Variants in KCNB2 observed in about 807,000 individuals in gnomAD.
The protein encoded by KCNB2 is potassium voltage-gated channel subfamily B member 2.
A neutral mutation model predicts 61.5 loss-of-function variants in KCNB2; 15 were observed. That is an observed-to-expected ratio of 0.24 (90% CI 0.16 to 0.38). KCNB2 has a LOEUF of 0.38. Among genes scored for constraint, KCNB2 ranks in the 10% least tolerant of loss-of-function variants. KCNB2 has a pLI of 1.00. For synonymous variants in KCNB2, 457 were observed against 446.0 expected (o/e 1.02, Z -0.31); for missense variants, 828 against 1,125.2 (o/e 0.74, Z 3.78).
chr8:72,764,878 T>C (rs759279351), intron 2 of KCNB2, among the ~76,000 whole-genome samples: 13 of 152,112 alleles, frequency 8.5e-5, no homozygotes, highest in Non-Finnish European at 1.9e-4. Context: ...CTGGGCAAAA[T>C]ATATCTGCCA....
chr8:72,800,278 A>G (rs1809103091), intron 2 of KCNB2, among the ~76,000 whole-genome samples: 2 of 152,320 alleles, frequency 1.3e-5, no homozygotes, highest in South Asian at 2.1e-4. Flanking sequence ...GTCATTGAAT[A>G]TAACTATCCT....
At position 72,779,008 on chromosome 8, in the gene KCNB2, A is replaced by G. The variant is rs533503720; in HGVS notation, c.580-156927A>G. ...AAGCCAGGTCGCACCTAGGCAGCCA[A>G]TTGGAAGTTGTTGGATTGCTGAGCT... is the stretch of plus-strand genomic sequence containing the variant. On this transcript the variant is annotated intron_variant, in intron 2 of 2. Coordinates refer to ENST00000523207, the MANE Select transcript of KCNB2 (RefSeq NM_004770.3). Among the ~76,000 whole-genome samples, 7 of 152,118 alleles carry G rather than the reference A, an allele frequency of 4.6e-5. No individual in the cohort carries two copies. In the South Asian group the frequency reaches 1.2e-3, roughly 27 times the overall value.
chr8:72,658,502 C>G (rs150309009), intron 2 of KCNB2, among the ~76,000 whole-genome samples: 1 of 152,282 alleles, frequency 6.6e-6, no homozygotes, highest in Non-Finnish European at 1.5e-5. Flanking sequence ...AGGGCTGATA[C>G]AGAAGCTGCA....
intron 2 of KCNB2, among the ~76,000 whole-genome samples, chr8:72,910,963 G>A (rs879788737): frequency 6.6e-6 from 1 of 152,066 alleles, no homozygotes; most frequent in Non-Finnish European, 1.5e-5. Context: ...TGAAGGAAAG[G>A]GAAAATAATA....
chr8:72,584,212 T>G (rs537734100), intron 2 of KCNB2, among the ~76,000 whole-genome samples: 1 of 151,964 alleles, frequency 6.6e-6, no homozygotes, highest in Non-Finnish European at 1.5e-5. Flanking sequence ...TTAAAGAGGA[T>G]TTTTTAAAAA....
intron 2 of KCNB2, chr8:72,731,994 G>C (rs765843440): frequency 2.0e-5 from 3 of 152,176 alleles, no homozygotes; most frequent in Non-Finnish European, 4.4e-5. Flanking sequence ...TTGTAGAATA[G>C]AAAAGGTTTC....
intron 2 of KCNB2, among the ~76,000 whole-genome samples, chr8:72,621,565 G>T (rs896412207): frequency 1.3e-5 from 2 of 151,886 alleles, no homozygotes; most frequent in African/African-American, 2.4e-5. Context: ...ATGTTCGTGG[G>T]TACATAGTAG....
intron 2 of KCNB2, among the ~76,000 whole-genome samples, chr8:72,800,884 C>A (rs1416277164): frequency 6.6e-6 from 1 of 152,090 alleles, no homozygotes; most frequent in African/African-American, 2.4e-5. Flanking sequence ...AGAAGAATAC[C>A]AACTAAGTTA....
At chr8:72,789,889 G>A (rs537334376) in intron 2 of KCNB2, among the ~76,000 whole-genome samples, 6 of 151,952 alleles carry the variant, frequency 3.9e-5, no homozygotes, top group African/African-American at 1.2e-4. Context: ...CTGGGGAGGA[G>A]AATGTTGAAA....
intron 2 of KCNB2, among the ~76,000 whole-genome samples, chr8:72,735,095 C>T (rs1807818397): frequency 6.6e-6 from 1 of 152,096 alleles, no homozygotes; most frequent in South Asian, 2.1e-4. Flanking sequence ...TGAGCATCAC[C>T]ATGATTCATA....
chr8:72,561,740 T>C (rs1259335722), intron 1 of KCNB2, among the ~76,000 whole-genome samples: 10 of 27,450 alleles, frequency 3.6e-4, no homozygotes, highest in African/African-American at 1.8e-3. Context: ...TATATCTATA[T>C]ATATATGTAT....
chr8:72,604,762 G>A (rs1402784372), intron 2 of KCNB2, among the ~76,000 whole-genome samples: 1 of 152,126 alleles, frequency 6.6e-6, no homozygotes, highest in African/African-American at 2.4e-5. Flanking sequence ...TAAATTTTGT[G>A]TCCTTTCACT....
At chr8:72,632,379 T>C (rs1196270644) in intron 2 of KCNB2, among the ~76,000 whole-genome samples, 1 of 152,194 alleles carries the variant, frequency 6.6e-6, no homozygotes, top group Non-Finnish European at 1.5e-5. Context: ...ACTCACTCAT[T>C]TGCATATTTT....
chr8:72,908,312 C>T (rs1250464958), intron 2 of KCNB2, among the ~76,000 whole-genome samples: 1 of 152,156 alleles, frequency 6.6e-6, no homozygotes, highest in Non-Finnish European at 1.5e-5. Flanking sequence ...TTGCATAGAA[C>T]CTCAGTGTTT....
chr8:72,788,334 G>T (rs116749361), intron 2 of KCNB2, among the ~76,000 whole-genome samples: 2,588 of 152,128 alleles, frequency 0.017, 70 homozygotes, highest in African/African-American at 0.058. Context: ...TCCTCAGTTT[G>T]CAGATGATGT....
intron 2 of KCNB2, among the ~76,000 whole-genome samples, chr8:72,585,795 G>A (rs978032079): frequency 3.3e-5 from 5 of 152,196 alleles, no homozygotes. Context: ...GTTTTTCTGA[G>A]CAGATTTGGA....
At chr8:72,888,140 TC>T (rs1805836549) in intron 2 of KCNB2, among the ~76,000 whole-genome samples, 1 of 152,142 alleles carries the variant, frequency 6.6e-6, no homozygotes, top group Non-Finnish European at 1.5e-5. Flanking sequence ...TCTCACTCTG[TC>T]CCCCAGGCTG....
intron 2 of KCNB2, among the ~76,000 whole-genome samples, chr8:72,637,913 A>T (rs1805991876): frequency 6.6e-6 from 1 of 152,112 alleles, no homozygotes; most frequent in South Asian, 2.1e-4. Context: ...GTGAAATAAG[A>T]AGTAAGTTAA....
intron 2 of KCNB2, among the ~76,000 whole-genome samples, chr8:72,678,277 A>G (rs1303192251): frequency 2.0e-5 from 3 of 152,202 alleles, no homozygotes; most frequent in Non-Finnish European, 4.4e-5. Context: ...ATTTCCCTGT[A>G]GCTTACATAG....
Sources: gnomAD v4.1 joint callset for allele counts (sites outside exome capture counted in the v4.1 genomes callset) on GRCh38, gnomAD v4.1.1 for gene constraint, MANE v1.5 for transcripts, NCBI Gene and HGNC (gene_info 2026-07-23, HGNC 2026-07-21) for gene names.